RAB31: variants seen among roughly 807,000 people sequenced by gnomAD.
RAB31 encodes the protein RAB31, member RAS oncogene family.
In RAB31, 21 loss-of-function variants were observed where a neutral mutation model predicts 25.6. That is an observed-to-expected ratio of 0.82 (90% CI 0.58 to 1.18). The LOEUF is 1.18. Ranked by LOEUF, RAB31 falls within the 50% of genes most tolerant of loss-of-function variation. The pLI, the probability that RAB31 is intolerant of heterozygous loss-of-function variation, is 0.00. For missense variants in RAB31, 196 were observed against 250.1 expected, an observed-to-expected ratio of 0.78 and a Z score of 1.46; for synonymous variants, 87 against 84.0, an observed-to-expected ratio of 1.04 and a Z score of -0.20.
chr18:9,727,226 T>C (rs1403251453), intron 1 of RAB31, among the ~76,000 whole-genome samples: 1 of 152,218 alleles, frequency 6.6e-6, no homozygotes, highest in African/African-American at 2.4e-5. Context: ...AATAGCACTT[T>C]CTCTGTTTGC....
intron 4 of RAB31, among the ~76,000 whole-genome samples, 186 bp downstream of exon 4, chr18:9,814,277 T>C (rs1166375717): frequency 6.6e-6 from 1 of 152,248 alleles, no homozygotes; most frequent in Non-Finnish European, 1.5e-5. Context: ...TGACCATTCA[T>C]TCTTAAAATT....
At chr18:9,779,681 C>T (rs1364059621) in intron 2 of RAB31, among the ~76,000 whole-genome samples, 2 of 152,154 alleles carry the variant, frequency 1.3e-5, no homozygotes, top group East Asian at 3.9e-4. Flanking sequence ...ATTGAACTGG[C>T]ATCCTGTATT....
intron 5 of RAB31, among the ~76,000 whole-genome samples, chr18:9,836,938 T>C (rs1008712485): frequency 1.4e-5 from 2 of 147,140 alleles, no homozygotes; most frequent in Non-Finnish European, 3.0e-5. Context: ...AGAGTCAGCA[T>C]AAGGAATGGG....
At chr18:9,776,663 G>A (rs1482762120) in intron 2 of RAB31, among the ~76,000 whole-genome samples, 1 of 152,144 alleles carries the variant, frequency 6.6e-6, no homozygotes, top group East Asian at 1.9e-4. Context: ...GAAGACCCCC[G>A]AGTCACAGAC....
chr18:9,821,405 AT>A (rs1358548879), intron 5 of RAB31, among the ~76,000 whole-genome samples: 6 of 151,982 alleles, frequency 3.9e-5, no homozygotes, highest in African/African-American at 1.4e-4. Flanking sequence ...GTTTAATTAT[AT>A]TTTGTCTTTA....
chr18:9,718,540 T>G (rs2068055657), intron 1 of RAB31, among the ~76,000 whole-genome samples: 1 of 152,244 alleles, frequency 6.6e-6, no homozygotes. Flanking sequence ...ATTACAGGCA[T>G]GAGCCACTGC....
chr18:9,708,463 C>T lies in RAB31; in HGVS notation c.39+19C>T, dbSNP rs2145448629. The T allele has an allele frequency of 1.3e-6, 2 of 1,552,444 alleles. No individual in the cohort carries two copies. Among genetic ancestry groups the T allele is most frequent in the Admixed American group, 1.9e-5 (1 of 51,694 alleles). On this transcript the variant is annotated intron_variant, in intron 1 of 6. Transcript: ENST00000578921. This position sits in a 1 kb window ranked among gnomAD's most constrained non-coding sequence, Gnocchi z 6.4. ...TCTCGGGGTGAGTCCTGGCCGCCAC[C>T]CGCCGGCGGACCCCGGCCCGCGCTC...
In RAB31 at chr18:9,708,313, A is replaced by T; in HGVS notation, c.-93A>T. 1.1e-6 allele frequency: 1 copy of T among 919,344 alleles called. No individual in the cohort carries two copies. Among genetic ancestry groups the T allele is most frequent in the Non-Finnish European group, 1.4e-6 (1 of 704,924 alleles). The allele number at this position is 919,344 out of a possible 1,614,324, so 56.9% of individuals were successfully genotyped here. A position where few individuals can be genotyped will look rare whatever the true frequency, so the allele number is the denominator to read the frequency against. ...GGCGGTTCCGCCCGCGGGCGGCGCG[A>T]GCGAGGGGCAGAGGCGAGAGACGCC... On this transcript the variant is annotated 5_prime_UTR_variant, in exon 1 of 7. Transcript: ENST00000578921. This position sits in a 1 kb window ranked among gnomAD's most constrained non-coding sequence, Gnocchi z 6.4.
At chr18:9,716,918 C>T (rs2068047228) in intron 1 of RAB31, among the ~76,000 whole-genome samples, 2 of 149,592 alleles carry the variant, frequency 1.3e-5, no homozygotes, top group South Asian at 4.2e-4. Flanking sequence ...AATTTTCTTT[C>T]TTTCTTTCTT....
At chr18:9,740,804 A>C (rs1354862465) in intron 1 of RAB31, among the ~76,000 whole-genome samples, 1 of 152,278 alleles carries the variant, frequency 6.6e-6, no homozygotes, top group East Asian at 1.9e-4. Context: ...CCAATGCTAG[A>C]ATAAAGGGGG....
chr18:9,775,461 C>T (rs1599033564), intron 2 of RAB31, 104 bp downstream of exon 2: 2 of 1,539,920 alleles, frequency 1.3e-6, no homozygotes, highest in East Asian at 2.4e-5. Flanking sequence ...CAGTTTTCAT[C>T]CCAGCCAGTG....
At chr18:9,803,173 C>A (rs756946161) in intron 3 of RAB31, among the ~76,000 whole-genome samples, 2 of 151,982 alleles carry the variant, frequency 1.3e-5, no homozygotes, top group African/African-American at 4.8e-5. Flanking sequence ...AGAGTACATG[C>A]GAGTTTTTGC....
At chr18:9,721,166 A>G (rs2068071916) in intron 1 of RAB31, among the ~76,000 whole-genome samples, 1 of 152,126 alleles carries the variant, frequency 6.6e-6, no homozygotes, top group Non-Finnish European at 1.5e-5. Context: ...TGTGTGGCAT[A>G]TCTGTTTTCT....
intron 3 of RAB31, among the ~76,000 whole-genome samples, chr18:9,798,706 A>G (rs982376045): frequency 3.0e-4 from 45 of 151,978 alleles, no homozygotes; most frequent in African/African-American, 1.1e-3. Flanking sequence ...GCAACCTCAA[A>G]CTCCCAGGCC....
At chr18:9,763,731 T>G (rs149870645) in intron 1 of RAB31, among the ~76,000 whole-genome samples, 52 of 152,194 alleles carry the variant, frequency 3.4e-4, no homozygotes, top group Non-Finnish European at 6.3e-4. Flanking sequence ...AGCTGATACT[T>G]TTCCATAGGA....
chr18:9,793,132 G>T (rs893793579), intron 3 of RAB31, among the ~76,000 whole-genome samples: 1 of 152,128 alleles, frequency 6.6e-6, no homozygotes. Context: ...GGAGTGCAGT[G>T]GCACAATTAT....
At chr18:9,802,621 C>A (rs1160863979) in intron 3 of RAB31, among the ~76,000 whole-genome samples, 2 of 152,224 alleles carry the variant, frequency 1.3e-5, no homozygotes, top group Admixed American at 1.3e-4. Flanking sequence ...GATCTGGCCA[C>A]CCCAGGCTGT....
chr18:9,713,756 C>G (rs999980384), intron 1 of RAB31, among the ~76,000 whole-genome samples: 10 of 152,326 alleles, frequency 6.6e-5, no homozygotes, highest in South Asian at 4.1e-4. Flanking sequence ...ATTTAATTCT[C>G]ACAGTTCTGG....
At chr18:9,735,484 G>T (rs1477984135) in intron 1 of RAB31, 1 of 210,888 alleles carries the variant, frequency 4.7e-6, no homozygotes, top group Admixed American at 4.3e-5. Flanking sequence ...TTGATCCTGT[G>T]GTGGTGCACA....
Sources: gnomAD v4.1 joint callset for allele counts (sites outside exome capture counted in the v4.1 genomes callset) on GRCh38, gnomAD v4.1.1 for gene constraint, Gnocchi (gnomAD v3.1) non-coding constraint, MANE v1.5 for transcripts, NCBI Gene and HGNC (gene_info 2026-07-23, HGNC 2026-07-21) for gene names.